The following ADARB2 variants were observed in gnomAD, a reference collection of about 807,000 sequenced individuals.
ADARB2 encodes inactive double-stranded RNA-specific editase B2.
In ADARB2, 25 loss-of-function variants were observed where a neutral mutation model predicts 62.2. That is an observed-to-expected ratio of 0.40 (90% confidence interval 0.29 to 0.56). ADARB2 has a LOEUF of 0.56. Among genes scored for constraint, ADARB2 ranks in the 20% least tolerant of loss-of-function variants. ADARB2 has a pLI of 0.43. For synonymous variants in ADARB2, 572 were observed against 500.8 expected, an observed-to-expected ratio of 1.14 and a Z score of -1.90; for missense variants, 1,071 against 1,077.4, an observed-to-expected ratio of 0.99 and a Z score of 0.08.
In ADARB2 at chr10:1,607,309, G is replaced by A. The variant is rs534278612; in HGVS notation, c.100+129742C>T. Among the ~76,000 whole-genome samples, 16 of 152,296 alleles carry A rather than the reference G, an allele frequency of 1.1e-4. 2 individuals are homozygous for A. The South Asian group carries it at 2.5e-3, about 24-fold the overall frequency. On this transcript the variant is annotated intron_variant, in intron 1 of 9. Coordinates refer to ENST00000381312, the MANE Select transcript of ADARB2 (RefSeq NM_018702.4). The stretch of plus-strand genomic sequence containing the variant: ...GTCCATCAGAGGCTAGAGAGGACCC[G>A]GTTCTCTGTCACTTGTTAGTAATGC...
intron 1 of ADARB2, among the ~76,000 whole-genome samples, chr10:1,435,270 A>G (rs1830822537): frequency 6.6e-6 from 1 of 152,236 alleles, no homozygotes; most frequent in Non-Finnish European, 1.5e-5. Flanking sequence ...AGCGGGGCTC[A>G]GGCCTGCTTC....
intron 3 of ADARB2, among the ~76,000 whole-genome samples, chr10:1,286,007 C>G (rs1433255289): frequency 6.6e-6 from 1 of 151,892 alleles, no homozygotes. Context: ...AATGCGGAAT[C>G]CAGGACCGTT....
chr10:1,451,944 A>AT (rs924415478), intron 1 of ADARB2, among the ~76,000 whole-genome samples: 10 of 151,394 alleles, frequency 6.6e-5, no homozygotes, highest in African/African-American at 1.9e-4. Flanking sequence ...ATGAGTGGAT[A>AT]TTTTTTTTTA....
intron 1 of ADARB2, among the ~76,000 whole-genome samples, chr10:1,524,059 AAGATAGATAGATAGAT>A (rs34113585): frequency 4.3e-4 from 58 of 134,834 alleles, no homozygotes; most frequent in African/African-American, 1.4e-3. Context: ...TGGGGATATG[AAGATAGATAGATAGAT>A]AGATAGATAG....
At chr10:1,517,934 G>T (rs569089448) in intron 1 of ADARB2, among the ~76,000 whole-genome samples, 8 of 152,290 alleles carry the variant, frequency 5.3e-5, no homozygotes, top group African/African-American at 1.9e-4. Context: ...CAGAGCCTTT[G>T]CATGGCAGGC....
rs575847649 is a variant in ADARB2, at chr10:1,606,617, A to AG, written c.100+130433dup. On this transcript the variant is annotated intron_variant, in intron 1 of 9. Coordinates refer to ENST00000381312, the MANE Select transcript of ADARB2 (RefSeq NM_018702.4). ...GTGGTCAAGAGGGAAGAAAAGGTGCAGGGAAGGGATGATTTCTTTCTGGCC... is the reference window on the plus strand; with the variant it reads ...GTGGTCAAGAGGGAAGAAAAGGTGCAGGGGAAGGGATGATTTCTTTCTGGCC... 1.7e-3 allele frequency among the ~76,000 whole-genome samples: 265 copies of AG among 152,150 alleles called. 3 individuals are homozygous for AG. The highest frequency in any genetic ancestry group is 2.4e-3 in the Non-Finnish European group (163 of 68,020).
chr10:1,268,869 G>A (rs2131797567), intron 4 of ADARB2, among the ~76,000 whole-genome samples: 1 of 152,214 alleles, frequency 6.6e-6, no homozygotes, highest in African/African-American at 2.4e-5. Context: ...GTATTCACTG[G>A]CAACTTAGAA....
At chr10:1,208,135 C>T (rs1589151663) in intron 7 of ADARB2, among the ~76,000 whole-genome samples, 1 of 152,202 alleles carries the variant, frequency 6.6e-6, no homozygotes, top group Non-Finnish European at 1.5e-5. Context: ...CCCATCTTCC[C>T]AGGGCTATGG....
At chr10:1,295,359 A>G (rs932094188) in intron 3 of ADARB2, among the ~76,000 whole-genome samples, 2 of 152,148 alleles carry the variant, frequency 1.3e-5, no homozygotes, top group Non-Finnish European at 2.9e-5. Flanking sequence ...GGTTACAGGT[A>G]TTTACATCCC....
At chr10:1,581,386 C>A (rs1028675846) in intron 1 of ADARB2, among the ~76,000 whole-genome samples, 1 of 152,212 alleles carries the variant, frequency 6.6e-6, no homozygotes, top group Non-Finnish European at 1.5e-5. Flanking sequence ...CACCATCTCC[C>A]CCGAGGACAG....
intron 1 of ADARB2, among the ~76,000 whole-genome samples, chr10:1,657,610 T>A (rs889916681): frequency 6.6e-6 from 1 of 152,142 alleles, no homozygotes; most frequent in Non-Finnish European, 1.5e-5. Context: ...GAAGGCAGCA[T>A]CTCCTGTGCT....
At chr10:1,547,201 G>A (rs1341225453) in intron 1 of ADARB2, among the ~76,000 whole-genome samples, 1 of 149,802 alleles carries the variant, frequency 6.7e-6, no homozygotes, top group African/African-American at 2.5e-5. Flanking sequence ...ATACACTGTG[G>A]GGAGGGGGAG....
Position 1,536,267 on chromosome 10 carries a change from C to T in ADARB2, c.101-157107G>A, listed in dbSNP as rs112956477. Among the ~76,000 whole-genome samples the T allele has an allele frequency of 3.4e-3, 514 of 152,264 alleles. 5 individuals are homozygous for T. Among genetic ancestry groups the T allele is most frequent in the African/African-American group, 0.012 (478 of 41,552 alleles). On this transcript the variant is annotated intron_variant, in intron 1 of 9. Transcript: ENST00000381312. ...GACCGGGCTCTTGCTCTCTGCCACA[C>T]GAGGACACAGAAAGCGCCATCTACA...
chr10:1,641,112 TA>T (rs1482506149), intron 1 of ADARB2, among the ~76,000 whole-genome samples: 2 of 152,228 alleles, frequency 1.3e-5, no homozygotes, highest in Non-Finnish European at 2.9e-5. Flanking sequence ...AAATATATAT[TA>T]AAAATATCTG....
chr10:1,712,163 G>A (rs1486196700), intron 1 of ADARB2, among the ~76,000 whole-genome samples: 4 of 152,278 alleles, frequency 2.6e-5, no homozygotes, highest in African/African-American at 9.6e-5. Flanking sequence ...TCAAATTCGT[G>A]CAGGAAACTT....
chr10:1,368,018 G>A (rs1419326655), intron 2 of ADARB2, among the ~76,000 whole-genome samples: 1 of 152,182 alleles, frequency 6.6e-6, no homozygotes, highest in African/African-American at 2.4e-5. Flanking sequence ...CCTCTGGGGG[G>A]TGATATCACC....
chr10:1,540,410 G>A (rs950926623), intron 1 of ADARB2, among the ~76,000 whole-genome samples: 3 of 151,936 alleles, frequency 2.0e-5, no homozygotes, highest in Non-Finnish European at 4.4e-5. Context: ...TCTCACCTGC[G>A]GCCTTAGAAG....
At chr10:1,414,337 T>G (rs1832784071) in intron 1 of ADARB2, among the ~76,000 whole-genome samples, 1 of 152,176 alleles carries the variant, frequency 6.6e-6, no homozygotes, top group Non-Finnish European at 1.5e-5. Flanking sequence ...CCTTGTGGTC[T>G]TTGGAACACC....
chr10:1,435,298 A>C (rs555693296), intron 1 of ADARB2, among the ~76,000 whole-genome samples: 2 of 152,198 alleles, frequency 1.3e-5, no homozygotes, highest in Non-Finnish European at 2.9e-5. Flanking sequence ...ATGCTTTTGC[A>C]TAAAATGAAC....
Sources: gnomAD v4.1 joint callset for allele counts (sites outside exome capture counted in the v4.1 genomes callset) on GRCh38, gnomAD v4.1.1 for gene constraint, MANE v1.5 for transcripts, NCBI Gene and HGNC (gene_info 2026-07-23, HGNC 2026-07-21) for gene names.